FMN2: variants seen among roughly 807,000 people sequenced by gnomAD.
FMN2 encodes formin-2.
In FMN2, 51 loss-of-function variants were observed where a neutral mutation model predicts 142.3. The observed-to-expected ratio is 0.36, with a 90% CI of 0.29 to 0.45. The LOEUF (loss-of-function observed/expected upper bound fraction) is 0.45, where lower values mean the gene tolerates loss of function less well. Among genes scored for constraint, FMN2 ranks in the 20% least tolerant of loss-of-function variants. FMN2 has a pLI of 1.00. For synonymous variants in FMN2, 882 were observed against 869.8 expected (o/e 1.01, Z -0.25); for missense variants, 1,936 against 2,122.8 (o/e 0.91, Z 1.73).
chr1:240,421,589 C>CA (rs1674764085), intron 15 of FMN2, among the ~76,000 whole-genome samples: 1 of 152,204 alleles, frequency 6.6e-6, no homozygotes, highest in Admixed American at 6.5e-5. Context: ...GTTCCTTTGT[C>CA]AAAAAATAGT....
At chr1:240,343,299 G>A (rs1226007111) in intron 13 of FMN2, among the ~76,000 whole-genome samples, 1 of 152,146 alleles carries the variant, frequency 6.6e-6, no homozygotes, top group East Asian at 1.9e-4. Context: ...GCCATAGATA[G>A]GATCATTAAT....
At chr1:240,307,795 A>G (rs1483525099) in intron 8 of FMN2, among the ~76,000 whole-genome samples, 1 of 152,168 alleles carries the variant, frequency 6.6e-6, no homozygotes, top group Non-Finnish European at 1.5e-5. Context: ...GTAATTTGAT[A>G]GGAATAGCAT....
rs1491025867 is a variant in FMN2 at position 240,429,883 on chromosome 1, T to TTG, written c.4911-8178_4911-8177insTG. The stretch of plus-strand genomic sequence containing the variant: ...TGAACATTCCTTTTTTGTTTTTTTT[T>TTG]GTTTTTTTTTTGTTTTTTTTGAGGC... On this transcript the variant is annotated intron_variant, in intron 15 of 17. Transcript: ENST00000319653. Among the ~76,000 whole-genome samples the TTG allele has an allele frequency of 2.3e-3, 333 of 143,548 alleles. 1 individual carries two copies. Among genetic ancestry groups the TTG allele is most frequent in the African/African-American group, 9.6e-3 (323 of 33,666 alleles). 94.2% of individuals were successfully genotyped at this position (143,548 alleles called of 152,430 possible). A position where few individuals can be genotyped will look rare whatever the true frequency, so the allele number is the denominator to read the frequency against.
At chr1:240,223,635 G>T (rs928243870) in intron 6 of FMN2, among the ~76,000 whole-genome samples, 1 of 152,100 alleles carries the variant, frequency 6.6e-6, no homozygotes, top group African/African-American at 2.4e-5. Context: ...TGGTTGGTAG[G>T]CTAGCAATTA....
intron 14 of FMN2, among the ~76,000 whole-genome samples, chr1:240,378,185 T>C (rs1673108441): frequency 2.0e-5 from 3 of 152,158 alleles, no homozygotes; most frequent in Admixed American, 1.3e-4. Flanking sequence ...GGTTTCACTC[T>C]TGTTGCCCAG....
intron 13 of FMN2, among the ~76,000 whole-genome samples, chr1:240,335,286 G>C (rs1435525712): frequency 6.6e-6 from 1 of 152,146 alleles, no homozygotes; most frequent in African/African-American, 2.4e-5. Context: ...TACCCTGTTG[G>C]AGCCTTACAA....
chr1:240,337,237 C>CTTGCT (rs1671597998), intron 13 of FMN2, among the ~76,000 whole-genome samples: 1 of 96,286 alleles, frequency 1.0e-5, no homozygotes, highest in Non-Finnish European at 1.9e-5. Flanking sequence ...TTAAGACAGT[C>CTTGCT]TTGCTCTGTC....
At chr1:240,324,259 G>T (rs188021981) in intron 8 of FMN2, among the ~76,000 whole-genome samples, 25 of 152,312 alleles carry the variant, frequency 1.6e-4, no homozygotes, top group African/African-American at 6.0e-4. Flanking sequence ...CTATTCTGGT[G>T]AAGTTACCTT....
Position 240,194,362 on chromosome 1 carries a change from C to T in FMN2, c.1986+6100C>T, listed in dbSNP as rs117845603. Among the ~76,000 whole-genome samples the T allele has an allele frequency of 3.5e-4, 53 of 152,286 alleles. No homozygotes were observed. The East Asian group carries it at 9.8e-3, about 28-fold the overall frequency. ...ACTGTCAAAGATGAACAAAGTCAGA[C>T]ATTAGTTAAAATGGTAAGGACAGAT... On this transcript the variant is annotated intron_variant, in intron 4 of 17. Coordinates refer to ENST00000319653, the MANE Select transcript of FMN2 (RefSeq NM_020066.5).
Position 240,420,358 on chromosome 1 carries a change from T to C in FMN2, c.4911-17703T>C, listed in dbSNP as rs116112196. Among the ~76,000 whole-genome samples, 687 of 152,298 alleles carry C rather than the reference T, an allele frequency of 4.5e-3. 7 individuals carry two copies. Among genetic ancestry groups the C allele is most frequent in the African/African-American group, 0.016 (656 of 41,574 alleles). ...CACACCTACTCCTCTTTAAATTGGC[T>C]ATCACTCAGAAGAGACCTATAAGAG... On this transcript the variant is annotated intron_variant, in intron 15 of 17. Coordinates refer to ENST00000319653, the MANE Select transcript of FMN2 (RefSeq NM_020066.5).
intron 15 of FMN2, among the ~76,000 whole-genome samples, chr1:240,437,546 C>A (rs923737057): frequency 6.6e-6 from 1 of 152,072 alleles, no homozygotes; most frequent in Non-Finnish European, 1.5e-5. Flanking sequence ...TCGTGATCCA[C>A]CCACCTTGGC....
chr1:240,191,607 ATTTAAACTGTAAAGCCTTT>A (rs1665703711), intron 4 of FMN2, among the ~76,000 whole-genome samples: 1 of 152,256 alleles, frequency 6.6e-6, no homozygotes, highest in African/African-American at 2.4e-5. Context: ...CATTTGAAAT[ATTTAAACTGTAAAGCCTTT>A]TATACTCTGT....
At chr1:240,175,621 A>G (rs886068942) in intron 2 of FMN2, among the ~76,000 whole-genome samples, 4 of 152,124 alleles carry the variant, frequency 2.6e-5, no homozygotes, top group African/African-American at 9.7e-5. Flanking sequence ...AGCTAGGACT[A>G]CAGGTGTGTG....
intron 7 of FMN2, among the ~76,000 whole-genome samples, chr1:240,262,383 A>C (rs768295472): frequency 1.3e-5 from 2 of 152,174 alleles, no homozygotes; most frequent in Non-Finnish European, 2.9e-5. Flanking sequence ...TATTTTACAA[A>C]CATGTTTTAC....
chr1:240,257,799 TA>T (rs771955356), intron 6 of FMN2, 145 bp from the exon 7 acceptor site: 24 of 655,250 alleles, frequency 3.7e-5, no homozygotes, highest in Middle Eastern at 3.9e-4. Flanking sequence ...CTTCAAACAT[TA>T]AAAAAAACAC....
intron 13 of FMN2, among the ~76,000 whole-genome samples, chr1:240,355,193 A>C (rs1385502357): frequency 6.6e-6 from 1 of 152,146 alleles, no homozygotes; most frequent in Admixed American, 6.6e-5. Context: ...CTATAAAAGG[A>C]GGTAATAAGT....
At chr1:240,378,277 A>C (rs2103078004) in intron 14 of FMN2, among the ~76,000 whole-genome samples, 1 of 152,110 alleles carries the variant, frequency 6.6e-6, no homozygotes, top group East Asian at 1.9e-4. Flanking sequence ...CAGCCTCCCA[A>C]GTAGCTGGGA....
intron 15 of FMN2, among the ~76,000 whole-genome samples, chr1:240,420,639 A>C (rs1381889445): frequency 6.6e-6 from 1 of 152,174 alleles, no homozygotes; most frequent in Non-Finnish European, 1.5e-5. Context: ...AGCTAACCTG[A>C]TAAAATGTGC....
At chr1:240,409,073 C>G (rs1674308123) in intron 15 of FMN2, among the ~76,000 whole-genome samples, 1 of 152,120 alleles carries the variant, frequency 6.6e-6, no homozygotes, top group African/African-American at 2.4e-5. Flanking sequence ...GTCCGGTGCC[C>G]TATTTAAGTG....
Sources: allele counts gnomAD v4.1 joint callset (sites outside exome capture counted in the v4.1 genomes callset), GRCh38; gene constraint gnomAD v4.1.1; transcripts MANE v1.5; gene names NCBI Gene and HGNC (gene_info 2026-07-23, HGNC 2026-07-21).